ZNF568: variants seen among roughly 807,000 people sequenced by gnomAD.
ZNF568 encodes p53 inhibitor of SCO2 activation.
A neutral mutation model predicts 18.1 loss-of-function variants in ZNF568; 11 were observed. The ratio of observed to expected loss-of-function variants is 0.61; its 90% CI spans 0.38 to 1.00. The LOEUF (loss-of-function observed/expected upper bound fraction) is 1.00. Among genes scored for constraint, ZNF568 ranks in the 50% least tolerant of loss-of-function variants. ZNF568 has a pLI of 0.01. For synonymous variants in ZNF568, 213 were observed against 246.6 expected (o/e 0.86, Z 1.28); for missense variants, 639 against 768.2 (o/e 0.83, Z 1.99).
At chr19:36,956,213 T>C (rs2074105990), downstream of ZNF568, among the ~76,000 whole-genome samples, 1 of 152,212 alleles carries the variant, frequency 6.6e-6, no homozygotes, top group African/African-American at 2.4e-5. Context: ...ACTGAGGCAC[T>C]TGTGCTGCCA....
intron 2 of ZNF568, among the ~76,000 whole-genome samples, chr19:36,920,086 T>C (rs1200618481): frequency 6.6e-6 from 1 of 152,140 alleles, no homozygotes; most frequent in Non-Finnish European, 1.5e-5. Flanking sequence ...TGTGTTATTG[T>C]CCCTGAAGAT....
chr19:36,993,727 A>C (rs986490196), intron 4 of ZNF568, among the ~76,000 whole-genome samples: 1 of 152,006 alleles, frequency 6.6e-6, no homozygotes, highest in African/African-American at 2.4e-5. Context: ...TTTTATTTCT[A>C]TAAGGTCAGT....
At chr19:36,936,338 G>C (rs542077078) in intron 4 of ZNF568, among the ~76,000 whole-genome samples, 3 of 152,254 alleles carry the variant, frequency 2.0e-5, no homozygotes, top group South Asian at 2.1e-4. Context: ...TGAGAAAAGA[G>C]AGCAAATATG....
At chr19:36,983,517 T>C (rs1038620113), downstream of ZNF568, among the ~76,000 whole-genome samples, 3 of 152,212 alleles carry the variant, frequency 2.0e-5, no homozygotes, top group Admixed American at 1.3e-4. Flanking sequence ...GGGTGGTCAG[T>C]TTTTCAAAAT....
intron 6 of ZNF568, among the ~76,000 whole-genome samples, chr19:36,946,418 T>C (rs1156418057): frequency 2.6e-5 from 4 of 152,044 alleles, no homozygotes; most frequent in East Asian, 1.9e-4. Context: ...AATATACTTA[T>C]ATAACTTTTT....
At chr19:36,984,521 T>G (rs1440556334), downstream of ZNF568, among the ~76,000 whole-genome samples, 2 of 152,180 alleles carry the variant, frequency 1.3e-5, no homozygotes, top group African/African-American at 4.8e-5. Flanking sequence ...CTTCTTTTTT[T>G]AACCCATAAG....
intron 2 of ZNF568, among the ~76,000 whole-genome samples, chr19:36,919,028 A>G (rs1003803668): frequency 3.3e-5 from 5 of 152,146 alleles, no homozygotes; most frequent in Admixed American, 6.5e-5. Flanking sequence ...TTATCAATTT[A>G]TTCATCATTG....
chr19:36,941,789 G>T (rs973913217), intron 6 of ZNF568, among the ~76,000 whole-genome samples: 3 of 151,830 alleles, frequency 2.0e-5, no homozygotes, highest in Non-Finnish European at 4.4e-5. Flanking sequence ...CTTTTAATAT[G>T]CATTTTTAGT....
chr19:36,990,673 A>G (rs187605594), intron 2 of ZNF568, among the ~76,000 whole-genome samples: 1 of 152,348 alleles, frequency 6.6e-6, no homozygotes, highest in East Asian at 1.9e-4. Context: ...AAGAACCTTT[A>G]GAAAACTTCT....
At chr19:36,996,435 A>T in exon 5 of ZNF568, 1 of 1,536,472 alleles carries the variant, frequency 6.5e-7, no homozygotes, top group Non-Finnish European at 8.7e-7. Context: ...AGGTGGAGAG[A>T]CAACAGGGTC....
intron 6 of ZNF568, among the ~76,000 whole-genome samples, chr19:36,971,497 T>C (rs2074235452): frequency 6.6e-6 from 1 of 152,090 alleles, no homozygotes; most frequent in South Asian, 2.1e-4. Flanking sequence ...ACTTTTTAAC[T>C]GAAAAGAAAA....
intron 6 of ZNF568, among the ~76,000 whole-genome samples, chr19:36,968,861 CTT>C (rs111450122): frequency 6.8e-6 from 1 of 147,602 alleles, no homozygotes; most frequent in Non-Finnish European, 1.5e-5. Context: ...TGAATGAGTT[CTT>C]TTTTTTTTTC....
chr19:36,928,235 C>T (rs979597391), intron 4 of ZNF568, among the ~76,000 whole-genome samples: 1 of 151,608 alleles, frequency 6.6e-6, no homozygotes, highest in Non-Finnish European at 1.5e-5. Context: ...TATTTTCTGT[C>T]ACAATTAAAG....
At chr19:36,993,814 G>T (rs1036050592) in intron 4 of ZNF568, among the ~76,000 whole-genome samples, 5 of 152,026 alleles carry the variant, frequency 3.3e-5, no homozygotes, top group Admixed American at 6.6e-5. Flanking sequence ...TCTAGCCAAA[G>T]ATTTGCCAAT....
chr19:36,984,048 G>C (rs2074354551), downstream of ZNF568, among the ~76,000 whole-genome samples: 1 of 151,894 alleles, frequency 6.6e-6, no homozygotes, highest in Non-Finnish European at 1.5e-5. Context: ...ACAGGTGCAT[G>C]CCGCCACGCC....
chr19:36,932,852 A>G (rs763381048), intron 4 of ZNF568, among the ~76,000 whole-genome samples: 28 of 152,260 alleles, frequency 1.8e-4, no homozygotes, highest in Non-Finnish European at 3.7e-4. Context: ...AGAATTGTCT[A>G]TTCAGAGCCT....
At chr19:36,955,750 A>G (rs1231146191), downstream of ZNF568, among the ~76,000 whole-genome samples, 3 of 152,200 alleles carry the variant, frequency 2.0e-5, no homozygotes, top group South Asian at 2.1e-4. Flanking sequence ...TGGACTAGAC[A>G]CAGCAGTAGA....
chr19:36,982,366 G>A (rs1177692918), downstream of ZNF568, among the ~76,000 whole-genome samples: 1 of 152,058 alleles, frequency 6.6e-6, no homozygotes, highest in Non-Finnish European at 1.5e-5. Flanking sequence ...TTTTTATCAT[G>A]AAGGAATATT....
At chr19:36,943,684 C>T (rs553160951) in intron 6 of ZNF568, among the ~76,000 whole-genome samples, 4 of 152,192 alleles carry the variant, frequency 2.6e-5, no homozygotes, top group South Asian at 2.1e-4. Flanking sequence ...AAGCGAGTCT[C>T]GTGCCTCCAC....
Sources: allele counts gnomAD v4.1 joint callset (sites outside exome capture counted in the v4.1 genomes callset), GRCh38; gene constraint gnomAD v4.1.1; transcripts MANE v1.5; gene names NCBI Gene and HGNC (gene_info 2026-07-23, HGNC 2026-07-21).